Variants in FCHSD2 observed in about 807,000 individuals in gnomAD.
FCHSD2 encodes the protein FCH and double SH3 domains 2.
In FCHSD2, 38 loss-of-function variants were observed where a neutral mutation model predicts 108.1. The ratio of observed to expected loss-of-function variants is 0.35; its 90% CI spans 0.27 to 0.46. The LOEUF (loss-of-function observed/expected upper bound fraction) is 0.46, where lower values mean the gene tolerates loss of function less well. FCHSD2 is among the 20% of genes least tolerant of loss of function. The probability of loss-of-function intolerance (pLI) is 1.00; values close to 1 mark genes in which losing one functional copy is unlikely to be tolerated. For missense variants in FCHSD2, 751 were observed against 897.8 expected, an observed-to-expected ratio of 0.84 and a Z score of 2.09; for synonymous variants, 279 against 314.7, an observed-to-expected ratio of 0.89 and a Z score of 1.20.
At chr11:73,119,659 G>A (rs1860686293) in intron 2 of FCHSD2, among the ~76,000 whole-genome samples, 3 of 151,986 alleles carry the variant, frequency 2.0e-5, no homozygotes, top group Admixed American at 2.0e-4. Flanking sequence ...GTGTTGCCCA[G>A]GTTGGTCTCA....
chr11:72,968,297 G>T (rs1392452412), intron 8 of FCHSD2, among the ~76,000 whole-genome samples: 1 of 152,184 alleles, frequency 6.6e-6, no homozygotes, highest in Non-Finnish European at 1.5e-5. Context: ...AAGACTGATA[G>T]ATCTTTGCCT....
At chr11:72,932,156 C>T (rs933305699) in intron 8 of FCHSD2, among the ~76,000 whole-genome samples, 3 of 152,134 alleles carry the variant, frequency 2.0e-5, no homozygotes, top group African/African-American at 7.2e-5. Context: ...TGTTAATTAC[C>T]AAATCTTATT....
At chr11:72,960,513 G>A (rs1350423779) in intron 8 of FCHSD2, among the ~76,000 whole-genome samples, 3 of 152,170 alleles carry the variant, frequency 2.0e-5, no homozygotes, top group Non-Finnish European at 2.9e-5. Context: ...TCACACCTAT[G>A]ACAGTGACTG....
chr11:72,902,772 G>T, intron 9 of FCHSD2, 134 bp from the exon 10 acceptor site: 2 of 560,770 alleles, frequency 3.6e-6, no homozygotes, highest in Non-Finnish European at 6.2e-6. Context: ...AAAAGAAATG[G>T]TGTTACGCAT....
intron 13 of FCHSD2, among the ~76,000 whole-genome samples, chr11:72,853,672 G>GT (rs1861351664): frequency 6.6e-6 from 1 of 151,858 alleles, no homozygotes; most frequent in Admixed American, 6.6e-5. Context: ...ACCTCAATGA[G>GT]TTTTTTAAAT....
chr11:72,860,645 G>C (rs1355414016), intron 13 of FCHSD2, among the ~76,000 whole-genome samples: 1 of 152,056 alleles, frequency 6.6e-6, no homozygotes. Context: ...AGGAGTTCTA[G>C]ACCAGCGTGG....
chr11:72,975,498 G>A (rs1857087992), intron 8 of FCHSD2, among the ~76,000 whole-genome samples: 1 of 151,972 alleles, frequency 6.6e-6, no homozygotes, highest in Non-Finnish European at 1.5e-5. Context: ...AAAACAGGTA[G>A]GAGAGAAGAT....
At chr11:72,866,137 T>A (rs1321401533) in intron 13 of FCHSD2, among the ~76,000 whole-genome samples, 2 of 152,200 alleles carry the variant, frequency 1.3e-5, no homozygotes, top group Non-Finnish European at 2.9e-5. Flanking sequence ...CCAAATCAAG[T>A]GGGCCTGGAA....
intron 3 of FCHSD2, among the ~76,000 whole-genome samples, chr11:73,074,089 G>T (rs1859492785): frequency 1.3e-5 from 2 of 151,950 alleles, no homozygotes; most frequent in African/African-American, 4.8e-5. Flanking sequence ...GTGATATCGG[G>T]AAAAAAATAT....
intron 5 of FCHSD2, among the ~76,000 whole-genome samples, chr11:72,991,538 G>A (rs1047512322): frequency 6.6e-6 from 1 of 152,176 alleles, no homozygotes; most frequent in Non-Finnish European, 1.5e-5. Context: ...TCATCCCCGG[G>A]ATGCAAGGCT....
chr11:73,104,273 T>C (rs1860289252), intron 2 of FCHSD2, among the ~76,000 whole-genome samples: 1 of 152,234 alleles, frequency 6.6e-6, no homozygotes, highest in Admixed American at 6.5e-5. Context: ...AAACTTTACT[T>C]ATTTATTTAT....
intron 2 of FCHSD2, among the ~76,000 whole-genome samples, chr11:73,100,321 C>T (rs571576591): frequency 1.1e-4 from 17 of 149,242 alleles, no homozygotes; most frequent in African/African-American, 3.5e-4. Flanking sequence ...CTGACCTAAG[C>T]GCTTTACATG....
chr11:73,074,410 T>G (rs1250303295), intron 3 of FCHSD2, among the ~76,000 whole-genome samples: 1 of 152,102 alleles, frequency 6.6e-6, no homozygotes, highest in African/African-American at 2.4e-5. Flanking sequence ...AATATCCACA[T>G]AGAAAATGAA....
chr11:73,098,986 G>A (rs1464016469), intron 2 of FCHSD2, among the ~76,000 whole-genome samples: 1 of 152,186 alleles, frequency 6.6e-6, no homozygotes, highest in Non-Finnish European at 1.5e-5. Context: ...GACTGAAGCA[G>A]GAGGATCACC....
chr11:72,998,951 A>G (rs1445061029), intron 5 of FCHSD2, among the ~76,000 whole-genome samples: 1 of 152,198 alleles, frequency 6.6e-6, no homozygotes, highest in Non-Finnish European at 1.5e-5. Context: ...GCTACCTTTA[A>G]GATTTATAAA....
chr11:73,029,415 A>C (rs1858307143), intron 3 of FCHSD2, among the ~76,000 whole-genome samples: 1 of 152,202 alleles, frequency 6.6e-6, no homozygotes, highest in Non-Finnish European at 1.5e-5. Context: ...AGATTTGGAG[A>C]GTAAATTACA....
chr11:73,069,300 A>G (rs1859375557), intron 3 of FCHSD2, among the ~76,000 whole-genome samples: 1 of 145,288 alleles, frequency 6.9e-6, no homozygotes. Flanking sequence ...GACAGAGCAA[A>G]ACTCTGTCTC....
intron 2 of FCHSD2, among the ~76,000 whole-genome samples, chr11:73,105,990 T>C (rs948840889): frequency 3.9e-5 from 6 of 152,350 alleles, no homozygotes; most frequent in Admixed American, 3.9e-4. Flanking sequence ...AGCTAATATT[T>C]GCATCCAAGG....
At chr11:72,839,967 G>A (rs1860860347) in intron 19 of FCHSD2, among the ~76,000 whole-genome samples, 1 of 152,192 alleles carries the variant, frequency 6.6e-6, no homozygotes, top group African/African-American at 2.4e-5. Flanking sequence ...CAGAAAGGTA[G>A]GACCAGAGAG....
Sources: gnomAD v4.1 joint callset for allele counts (sites outside exome capture counted in the v4.1 genomes callset) on GRCh38, gnomAD v4.1.1 for gene constraint, MANE v1.5 for transcripts, NCBI Gene and HGNC (gene_info 2026-07-23, HGNC 2026-07-21) for gene names.